Variants in TBC1D9B observed in about 807,000 individuals in gnomAD.
TBC1D9B encodes TBC1 domain family, member 9B (with GRAM domain).
In TBC1D9B, 87 loss-of-function variants were observed where a neutral mutation model predicts 121.1. That is an observed-to-expected ratio of 0.72 (90% confidence interval 0.60 to 0.86). The LOEUF (loss-of-function observed/expected upper bound fraction) is 0.86, where lower values mean the gene tolerates loss of function less well. Among genes scored for constraint, TBC1D9B ranks in the 40% least tolerant of loss-of-function variants. TBC1D9B has a pLI of 0.00. For missense variants in TBC1D9B, 1,540 were observed against 1,628.6 expected (o/e 0.95, Z 0.94); for synonymous variants, 668 against 670.1 (o/e 1.00, Z 0.05).
chr5:179,878,311 G>C lies in TBC1D9B; in HGVS notation c.1780C>G (p.Gln594Glu). The C allele has an allele frequency of 6.2e-7, 1 of 1,611,374 alleles. No homozygotes were observed. The highest frequency in any genetic ancestry group is 8.5e-7 in the Non-Finnish European group (1 of 1,179,342). Residue 594 changes from glutamine (Q) to glutamate (E), a missense_variant and splice_region_variant, in exon 10 of 21, where the codon CAG (glutamine) becomes GAG (glutamate). Physicochemically the swap from Gln to Glu is conservative, Grantham distance 29. Transcript: ENST00000355235. ...TGGGCCCCTGTCAGGCCCCTTACCT[G>C]GCAGTAGCCGATGGTGGGGTTTCGG... ...AFRNPTIGYC[Q>E]AMNIVTSVLL...
In TBC1D9B at chr5:179,907,788, T is replaced by C; in HGVS notation, c.34A>G (p.Asn12Asp). The change falls in exon 1 of 21, where the codon AAT (asparagine) becomes GAT (aspartate). Residue 12 changes from asparagine to aspartate, a missense_variant. By Grantham distance (23) the Asn-to-Asp change is conservative. Coordinates refer to ENST00000355235, the MANE Select transcript of TBC1D9B (RefSeq NM_015043.4). The surrounding 1 kb of genome is among the most constrained non-coding windows in gnomAD (Gnocchi z 5.3). ...WLSPEEVLVA[N>D]ALWVTERANP... Reference sequence around the variant, plus strand: ...GCCCGCTCCGTCACCCACAGCGCATTGGCCACCAGCACCTCCTCCGGGCTC... The same window carrying C: ...GCCCGCTCCGTCACCCACAGCGCATCGGCCACCAGCACCTCCTCCGGGCTC... 8.2e-7 allele frequency: 1 copy of C among 1,224,264 alleles called. No individual in the cohort carries two copies. 75.8% of individuals were successfully genotyped at this position (1,224,264 alleles called of 1,614,324 possible). A position where few individuals can be genotyped will look rare whatever the true frequency, so the allele number is the denominator to read the frequency against.
At position 179,894,327 on chromosome 5, in the gene TBC1D9B, C is replaced by T. The variant is rs938193232; in HGVS notation, c.577+59G>A. On this transcript the variant is annotated intron_variant, in intron 4 of 20. Coordinates refer to ENST00000355235, the MANE Select transcript of TBC1D9B (RefSeq NM_015043.4). The stretch of plus-strand genomic sequence containing the variant: ...CATGTGGGGATGGAGTATCTGGGGG[C>T]CGAAGGCAGGGAGGGGCTGAGGGTG... 9.4e-6 allele frequency: 14 copies of T among 1,482,346 alleles called. No homozygotes were observed. The African/African-American group carries it at 1.9e-4, about 21-fold the overall frequency. 91.8% of individuals were successfully genotyped at this position (1,482,346 alleles called of 1,614,324 possible).
In TBC1D9B at chr5:179,907,513, C is replaced by G. The variant is rs913872359; in HGVS notation, c.118+191G>C. On this transcript the variant is annotated intron_variant, in intron 1 of 20. Coordinates refer to ENST00000355235, the MANE Select transcript of TBC1D9B (RefSeq NM_015043.4). The surrounding 1 kb of genome is among the most constrained non-coding windows in gnomAD (Gnocchi z 5.3). ...TCGCCTCCCGCCAGCCCCTCGCCTC[C>G]CCGCCCCGGCCCCTCCGCGCCCGGC... 1.3e-5 allele frequency among the ~76,000 whole-genome samples: 2 copies of G among 150,510 alleles called. No individual in the cohort carries two copies. Among genetic ancestry groups the G allele is most frequent in the Non-Finnish European group, 3.0e-5 (2 of 67,478 alleles).
chr5:179,880,040 G>A (rs970582835), intron 7 of TBC1D9B: 7 of 571,796 alleles, frequency 1.2e-5, no homozygotes, highest in Middle Eastern at 4.7e-4. Context: ...CAGTCTCAGG[G>A]AGCGGGTTCT....
chr5:179,898,926 C>T lies in TBC1D9B; in HGVS notation c.348+263G>A, dbSNP rs539688418. Among the ~76,000 whole-genome samples the T allele has an allele frequency of 4.6e-4, 70 of 152,328 alleles. No individual in the cohort carries two copies. In the Middle Eastern group the frequency reaches 0.01, roughly 22 times the overall value. ...GCAAACAGAACCGTCTATCTGCGTA[C>T]GCCTTCCAAGGCACTTGGGTAGGAA... On this transcript the variant is annotated intron_variant, in intron 3 of 20. Transcript: ENST00000355235.
At chr5:179,889,964 G>A (rs1002649014) in intron 6 of TBC1D9B, among the ~76,000 whole-genome samples, 2 of 151,802 alleles carry the variant, frequency 1.3e-5, no homozygotes, top group African/African-American at 2.4e-5. Flanking sequence ...GGTGGTGTCC[G>A]TGGAGAGGAA....
chr5:179,907,564 G>A lies in TBC1D9B; in HGVS notation c.118+140C>T. The A allele has an allele frequency of 3.1e-6, 1 of 326,766 alleles. No individual in the cohort carries two copies. Among genetic ancestry groups the A allele is most frequent in the Non-Finnish European group, 4.3e-6 (1 of 231,572 alleles). 20.2% of individuals were successfully genotyped at this position (326,766 alleles called of 1,614,324 possible). Reference sequence around the variant, plus strand: ...TCCCGGGTCCTGGCCTCGCGCCCCCGCCCCGCCGCGCGCTGGCGTGCGTGT... The same window carrying A: ...TCCCGGGTCCTGGCCTCGCGCCCCCACCCCGCCGCGCGCTGGCGTGCGTGT... On this transcript the variant is annotated intron_variant, in intron 1 of 20. Transcript: ENST00000355235. This position sits in a 1 kb window ranked among gnomAD's most constrained non-coding sequence, Gnocchi z 5.3.
chr5:179,863,378 A>G lies in TBC1D9B; in HGVS notation c.*70T>C. The G allele has an allele frequency of 2.6e-6, 4 of 1,516,904 alleles. No homozygotes were observed. Among genetic ancestry groups the G allele is most frequent in the Middle Eastern group, 2.2e-4 (1 of 4,478 alleles). 94.0% of individuals were successfully genotyped at this position (1,516,904 alleles called of 1,614,324 possible). A position where few individuals can be genotyped will look rare whatever the true frequency, so the allele number is the denominator to read the frequency against. ...ACCTTTAAAGAGAAACTGATAAGGGAGGAAAGGCAGGAGGAGATGAGGCCA... is the reference window on the plus strand; with the variant it reads ...ACCTTTAAAGAGAAACTGATAAGGGGGGAAAGGCAGGAGGAGATGAGGCCA... On this transcript the variant is annotated 3_prime_UTR_variant, in exon 21 of 21. Coordinates refer to ENST00000355235, the MANE Select transcript of TBC1D9B (RefSeq NM_015043.4). The surrounding 1 kb of genome is among the most constrained non-coding windows in gnomAD (Gnocchi z 4.5).
rs761147117 is a variant in TBC1D9B at position 179,891,601 on chromosome 5, TAGGAGGAC to T, written c.837-23_837-16del. 16 of 1,609,938 alleles carry T rather than the reference TAGGAGGAC, an allele frequency of 9.9e-6. No homozygotes were observed. The highest frequency in any genetic ancestry group is 2.0e-4 in the Middle Eastern group (1 of 4,966). ...CGTCCAGGTCTCTGGGGAAACAAGG[TAGGAGGAC>T]AGGAGGAAAGGGGACAAGGTCAGGA... On this transcript the variant is annotated splice_polypyrimidine_tract_variant and intron_variant, in intron 5 of 20. Coordinates refer to ENST00000355235, the MANE Select transcript of TBC1D9B (RefSeq NM_015043.4). The surrounding 1 kb of genome is among the most constrained non-coding windows in gnomAD (Gnocchi z 4.3).
chr5:179,884,643 C>A (rs753839187), intron 7 of TBC1D9B: 3 of 152,174 alleles, frequency 2.0e-5, no homozygotes, highest in African/African-American at 7.2e-5. Flanking sequence ...GTGAACAAAA[C>A]GTGGCTTATC....
In TBC1D9B at chr5:179,874,694, C is replaced by G. The variant is rs370672797; in HGVS notation, c.2186+208G>C. On this transcript the variant is annotated intron_variant, in intron 12 of 20. Coordinates refer to ENST00000355235, the MANE Select transcript of TBC1D9B (RefSeq NM_015043.4). The surrounding 1 kb of genome is among the most constrained non-coding windows in gnomAD (Gnocchi z 4.3). ...CAGCCAGCATGCTCTGCCCGCAGTGCCTGCTTTACTCCTCCTGGCACCTAT... is the reference window on the plus strand; with the variant it reads ...CAGCCAGCATGCTCTGCCCGCAGTGGCTGCTTTACTCCTCCTGGCACCTAT... 6.6e-6 allele frequency among the ~76,000 whole-genome samples: 1 copy of G among 152,242 alleles called. No individual in the cohort carries two copies. Among genetic ancestry groups the G allele is most frequent in the Non-Finnish European group, 1.5e-5 (1 of 68,038 alleles).
At chr5:179,894,260 G>T in intron 4 of TBC1D9B, 126 bp downstream of exon 4, 1 of 910,422 alleles carries the variant, frequency 1.1e-6, no homozygotes, top group Non-Finnish European at 1.7e-6. Flanking sequence ...ATCTTGGGCC[G>T]CTAAGGTGGC....
intron 18 of TBC1D9B, chr5:179,866,264 G>A (rs1400960947): frequency 5.1e-6 from 1 of 196,754 alleles, no homozygotes; most frequent in Non-Finnish European, 1.0e-5. Context: ...GTTCCTGCTA[G>A]AACTCAGGGG....
Position 179,893,101 on chromosome 5 carries a change from GA to G in TBC1D9B, c.836+107del, listed in dbSNP as rs1760910017. The G allele has an allele frequency of 1.2e-5, 17 of 1,453,922 alleles. No individual in the cohort carries two copies. The South Asian group carries it at 2.4e-4, about 20-fold the overall frequency. The allele number at this position is 1,453,922 out of a possible 1,614,324, so 90.1% of individuals were successfully genotyped here. A position where few individuals can be genotyped will look rare whatever the true frequency, so the allele number is the denominator to read the frequency against. ...CCCAAGTGGGGAGCCCATGAGGGGT[GA>G]ATGTGGACACCTTCTCCAGGTCTAC... On this transcript the variant is annotated intron_variant, in intron 5 of 20. Coordinates refer to ENST00000355235, the MANE Select transcript of TBC1D9B (RefSeq NM_015043.4).
At position 179,864,809 on chromosome 5, in the gene TBC1D9B, C is replaced by T. The variant is rs186716024; in HGVS notation, c.3021+445G>A. 1.5e-3 allele frequency among the ~76,000 whole-genome samples: 236 copies of T among 152,370 alleles called. 2 individuals carry two copies. The highest frequency in any genetic ancestry group is 5.3e-3 in the African/African-American group (219 of 41,594). Reference sequence around the variant, plus strand: ...TGCTCCAGACTTGCCTTTGGCTCAACGCTTGCAGTTTGGAGCTGGGGTCTC... The same window carrying T: ...TGCTCCAGACTTGCCTTTGGCTCAATGCTTGCAGTTTGGAGCTGGGGTCTC... On this transcript the variant is annotated intron_variant, in intron 20 of 20. Transcript: ENST00000355235.
intron 18 of TBC1D9B, chr5:179,867,303 G>A: frequency 1.1e-6 from 1 of 943,484 alleles, no homozygotes. Flanking sequence ...GGAGTGGCTT[G>A]CTTCTGGGTC....
intron 7 of TBC1D9B, among the ~76,000 whole-genome samples, chr5:179,883,533 GT>G (rs1007086467): frequency 3.2e-4 from 47 of 148,394 alleles, no homozygotes; most frequent in African/African-American, 1.0e-3. Context: ...GAAATATCTG[GT>G]TTTTTTTTTC....
chr5:179,905,929 G>C (rs1323747169), intron 1 of TBC1D9B, among the ~76,000 whole-genome samples: 4 of 152,194 alleles, frequency 2.6e-5, no homozygotes, highest in African/African-American at 9.7e-5. Context: ...GCCCAAGGTG[G>C]AGTGCAATGG....
Position 179,874,115 on chromosome 5 carries a change from T to G in TBC1D9B, c.2186+787A>C, listed in dbSNP as rs1243987696. ...CATTCCAGTCCGGACAAATACGCTA[T>G]GTAGGAGGGTGGGACTGCACAGAGC... On this transcript the variant is annotated intron_variant, in intron 12 of 20. Coordinates refer to ENST00000355235, the MANE Select transcript of TBC1D9B (RefSeq NM_015043.4). The surrounding 1 kb of genome is among the most constrained non-coding windows in gnomAD (Gnocchi z 4.3). 6.6e-6 allele frequency among the ~76,000 whole-genome samples: 1 copy of G among 151,900 alleles called. No individual in the cohort carries two copies. Among genetic ancestry groups the G allele is most frequent in the African/African-American group, 2.4e-5 (1 of 41,342 alleles).
Sources: gnomAD v4.1 joint callset for allele counts (sites outside exome capture counted in the v4.1 genomes callset) on GRCh38, gnomAD v4.1.1 for gene constraint, Gnocchi (gnomAD v3.1) non-coding constraint, MANE v1.5 for transcripts, NCBI Gene and HGNC (gene_info 2026-07-23, HGNC 2026-07-21) for gene names.